RAVER2: variants seen among roughly 807,000 people sequenced by gnomAD.
RAVER2 encodes ribonucleoprotein PTB-binding 2.
A neutral mutation model predicts 78.1 loss-of-function variants in RAVER2; 46 were observed. The observed-to-expected ratio is 0.59, with a 90% confidence interval of 0.46 to 0.75. RAVER2 has a LOEUF of 0.75. Among genes scored for constraint, RAVER2 ranks in the 30% least tolerant of loss-of-function variants. RAVER2 has a pLI of 0.00. For synonymous variants in RAVER2, 311 were observed against 313.3 expected (o/e 0.99, Z 0.08); for missense variants, 793 against 837.5 (o/e 0.95, Z 0.66).
exon 5 of RAVER2, chr1:64,789,456 C>A (rs756965903): frequency 6.2e-7 from 1 of 1,609,906 alleles, no homozygotes; most frequent in South Asian, 1.1e-5. Context: ...GTTTAAACAA[C>A]CCTGCCATGT....
chr1:64,791,245 C>T (rs1230846399), intron 5 of RAVER2, among the ~76,000 whole-genome samples: 1 of 152,146 alleles, frequency 6.6e-6, no homozygotes, highest in Non-Finnish European at 1.5e-5. Flanking sequence ...TACTGAACTT[C>T]GATGTCCAGA....
intron 2 of RAVER2, among the ~76,000 whole-genome samples, chr1:64,772,067 G>T (rs916828652): frequency 6.6e-6 from 1 of 151,940 alleles, no homozygotes; most frequent in Non-Finnish European, 1.5e-5. Context: ...ATCAATTGTG[G>T]GATATTTAAA....
intron 1 of RAVER2, among the ~76,000 whole-genome samples, chr1:64,753,648 C>T (rs1032513535): frequency 2.0e-5 from 3 of 151,164 alleles, no homozygotes; most frequent in East Asian, 2.0e-4. Flanking sequence ...CTCAGCCTCC[C>T]GAGTAGCTGG....
chr1:64,773,643 G>A (rs558860406), intron 2 of RAVER2, among the ~76,000 whole-genome samples: 4 of 152,264 alleles, frequency 2.6e-5, no homozygotes, highest in South Asian at 2.1e-4. Context: ...ATAAACATAC[G>A]TGCACATGTG....
chr1:64,775,282 A>C (rs568356653), intron 2 of RAVER2, among the ~76,000 whole-genome samples: 1 of 152,344 alleles, frequency 6.6e-6, no homozygotes, highest in South Asian at 2.1e-4. Context: ...GGCCTTTTGC[A>C]AGTCCTCAGA....
At position 64,745,199 on chromosome 1, in the gene RAVER2, C is replaced by T. The variant is rs967778698; in HGVS notation, c.27C>T (p.Gly9=). Residue 9 remains glycine (G), a synonymous_variant, in exon 1 of 12, where the codon GGC becomes GGT. Transcript: ENST00000294428. The surrounding 1 kb of genome is among the most constrained non-coding windows in gnomAD (Gnocchi z 4.3). ...TGGCGGCGGCGGCGGGAGACGGCGG[C>T]GGCGAGGGGGGCGCGGGCCTGGGCA... The T allele has an allele frequency of 2.5e-5, 26 of 1,030,522 alleles. No homozygotes were observed. Among genetic ancestry groups the T allele is most frequent in the Non-Finnish European group, 2.9e-5 (25 of 861,334 alleles). The allele number at this position is 1,030,522 out of a possible 1,614,324, so 63.8% of individuals were successfully genotyped here.
At chr1:64,773,588 C>T (rs1557588767) in intron 2 of RAVER2, among the ~76,000 whole-genome samples, 3 of 152,184 alleles carry the variant, frequency 2.0e-5, no homozygotes, top group Admixed American at 6.5e-5. Context: ...CATTGTTGGA[C>T]ATTTGGGTTG....
At chr1:64,777,486 G>T (rs1049951509) in intron 2 of RAVER2, 137 bp from the exon 3 acceptor site, 2 of 670,106 alleles carry the variant, frequency 3.0e-6, no homozygotes, top group South Asian at 2.0e-5. Flanking sequence ...ATTGCATATA[G>T]TAGGGGTATT....
chr1:64,763,226 G>A (rs7552651), intron 1 of RAVER2, among the ~76,000 whole-genome samples: 25 of 152,252 alleles, frequency 1.6e-4, no homozygotes, highest in Non-Finnish European at 2.8e-4. Flanking sequence ...GAACCAGGGA[G>A]GTGGAGCTTG....
At chr1:64,824,917 C>T (rs71647463) in intron 11 of RAVER2, among the ~76,000 whole-genome samples, 10,720 of 110,526 alleles carry the variant, frequency 0.097, 561 homozygotes, top group Middle Eastern at 0.14. Flanking sequence ...GGCAACAGAG[C>T]GAGACCCTGT....
chr1:64,828,017 C>T (rs1654039503), intron 11 of RAVER2, among the ~76,000 whole-genome samples: 2 of 152,114 alleles, frequency 1.3e-5, no homozygotes. Context: ...GGCTTTTTTG[C>T]CATCTGCCTT....
chr1:64,808,576 C>T (rs1001706521), intron 9 of RAVER2, among the ~76,000 whole-genome samples: 7 of 151,476 alleles, frequency 4.6e-5, no homozygotes, highest in African/African-American at 1.7e-4. Flanking sequence ...GCTCCCCTGC[C>T]TCAGCCTTCC....
At chr1:64,802,181 CGG>C (rs1464788880) in intron 5 of RAVER2, among the ~76,000 whole-genome samples, 1 of 152,154 alleles carries the variant, frequency 6.6e-6, no homozygotes, top group African/African-American at 2.4e-5. Context: ...AGGTTTTAGC[CGG>C]CTTCTTTATT....
intron 5 of RAVER2, among the ~76,000 whole-genome samples, chr1:64,798,420 G>A (rs903001756): frequency 3.4e-5 from 5 of 146,684 alleles, no homozygotes; most frequent in African/African-American, 1.3e-4. Flanking sequence ...ATGATTTATA[G>A]TCCTTTGGGT....
intron 1 of RAVER2, among the ~76,000 whole-genome samples, chr1:64,752,162 C>G (rs891551026): frequency 6.6e-6 from 1 of 152,206 alleles, no homozygotes; most frequent in Non-Finnish European, 1.5e-5. Context: ...GGAGGCTAAC[C>G]TGTACTGTGG....
exon 8 of RAVER2, chr1:64,805,062 A>C (rs368227752): frequency 2.5e-6 from 4 of 1,614,070 alleles, no homozygotes; most frequent in Non-Finnish European, 2.5e-6. Flanking sequence ...CAGTGCTTCC[A>C]TTGAAAAAGG....
At chr1:64,750,205 T>A (rs894411747) in intron 1 of RAVER2, among the ~76,000 whole-genome samples, 31 of 152,304 alleles carry the variant, frequency 2.0e-4, no homozygotes, top group African/African-American at 6.7e-4. Flanking sequence ...TATTACCAAG[T>A]AAGCACTTTT....
At chr1:64,748,893 G>A (rs954618740) in intron 1 of RAVER2, among the ~76,000 whole-genome samples, 7 of 152,046 alleles carry the variant, frequency 4.6e-5, no homozygotes, top group Admixed American at 4.6e-4. Flanking sequence ...ACTGGAGTGC[G>A]GTGGAACGAT....
chr1:64,830,744 C>A, intron 11 of RAVER2, 95 bp from the exon 12 acceptor site: 1 of 1,171,978 alleles, frequency 8.5e-7, no homozygotes, highest in Non-Finnish European at 1.2e-6. Flanking sequence ...ATTCTATATT[C>A]ACCAAGTCAA....
Sources: gnomAD v4.1 joint callset for allele counts (sites outside exome capture counted in the v4.1 genomes callset) on GRCh38, gnomAD v4.1.1 for gene constraint, Gnocchi (gnomAD v3.1) non-coding constraint, MANE v1.5 for transcripts, NCBI Gene and HGNC (gene_info 2026-07-23, HGNC 2026-07-21) for gene names.